The following GNL2 variants were observed in gnomAD, a reference collection of about 807,000 sequenced individuals.
GNL2 encodes the protein G protein nucleolar 2, also known as nucleolar GTP-binding protein 2.
A neutral mutation model predicts 92.3 loss-of-function variants in GNL2; 51 were observed. That is an observed-to-expected ratio of 0.55 (90% confidence interval 0.44 to 0.70). The LOEUF (loss-of-function observed/expected upper bound fraction) is 0.70, where lower values mean the gene tolerates loss of function less well. Ranked by LOEUF, GNL2 falls within the 30% of genes least tolerant of loss-of-function variation. The pLI is 0.00. For missense variants in GNL2, 844 were observed against 895.6 expected, an observed-to-expected ratio of 0.94 and a Z score of 0.74; for synonymous variants, 283 against 300.6, an observed-to-expected ratio of 0.94 and a Z score of 0.61.
chr1:37,587,131 G>C (rs1311978206), intron 5 of GNL2, among the ~76,000 whole-genome samples, 180 bp downstream of exon 5: 1 of 152,048 alleles, frequency 6.6e-6, no homozygotes, highest in Non-Finnish European at 1.5e-5. Flanking sequence ...GCCAGGCATG[G>C]AGGCATCCAC....
chr1:37,586,489 T>C lies in GNL2; in HGVS notation c.569+822A>G, dbSNP rs1223576523. The stretch of plus-strand genomic sequence containing the variant: ...TAGATACTTCCTCTCCTCCTCCTCC[T>C]CCCCAAAACAAAAACAAAAAACACA... On this transcript the variant is annotated intron_variant, in intron 5 of 15. Transcript: ENST00000373062. Among the ~76,000 whole-genome samples, 3 of 152,108 alleles carry C rather than the reference T, an allele frequency of 2.0e-5. No individual in the cohort carries two copies. In the East Asian group the frequency reaches 5.8e-4, roughly 29 times the overall value.
intron 4 of GNL2, among the ~76,000 whole-genome samples, chr1:37,587,821 T>C (rs1209621808): frequency 2.6e-5 from 4 of 152,244 alleles, no homozygotes; most frequent in African/African-American, 7.2e-5. Flanking sequence ...TTCAGTCAAA[T>C]GTAATTAAGG....
intron 8 of GNL2, among the ~76,000 whole-genome samples, chr1:37,578,819 C>T (rs937514177): frequency 6.6e-6 from 1 of 152,124 alleles, no homozygotes; most frequent in Non-Finnish European, 1.5e-5. Context: ...CTCATCCTCC[C>T]AAAGTGGTGG....
At chr1:37,571,260 A>C (rs1351504869) in intron 12 of GNL2, among the ~76,000 whole-genome samples, 5 of 152,222 alleles carry the variant, frequency 3.3e-5, no homozygotes, top group Non-Finnish European at 7.3e-5. Context: ...CTTGTTGCTA[A>C]AAGTTCCTGA....
At position 37,574,381 on chromosome 1, in the gene GNL2, CA is replaced by C. The variant is rs1179544320; in HGVS notation, c.1377del (p.Phe459LeufsTer153). The C allele has an allele frequency of 1.2e-6, 2 of 1,613,928 alleles. No homozygotes were observed. The highest frequency in any genetic ancestry group is 1.7e-6 in the Non-Finnish European group (2 of 1,179,964). On this transcript the variant is annotated frameshift_variant, in exon 12 of 16. Transcript: ENST00000373062. LOFTEE classifies it high-confidence loss of function. ...NDWQRGRIPFFVKPPNAEPLV... is the reference protein window; with the variant it reads ...NDWQRGRIPFXVKPPNAEPLV... ...AGTGGCTCTGCATTGGGTGGCTTGA[CA>C]AAGAAAGGAATCCGGCCCCTCTGCC... is the stretch of plus-strand genomic sequence containing the variant.
In GNL2 at chr1:37,566,880, C is replaced by A. The variant is rs199557756; in HGVS notation, c.2171G>T (p.Arg724Leu). The change falls in exon 16 of 16, where the codon CGC (arginine) becomes CTC (leucine). Residue 724 changes from arginine (R) to leucine (L), a missense_variant. Transcript: ENST00000373062. ...TTACTGCTTTTGTCTGAATTTTTTG[C>A]GTTTGTGTTTCTGTCCCTCTGAGTC... ...TNDSEGQKHK[R>L]KKFRQKQ 2.5e-6 allele frequency: 4 copies of A among 1,613,112 alleles called. No homozygotes were observed. Among genetic ancestry groups the A allele is most frequent in the Non-Finnish European group, 8.5e-7 (1 of 1,179,666 alleles).
At chr1:37,594,370 A>G (rs1643908512) in intron 1 of GNL2, among the ~76,000 whole-genome samples, 1 of 152,196 alleles carries the variant, frequency 6.6e-6, no homozygotes, top group South Asian at 2.1e-4. Flanking sequence ...CATGGAGACT[A>G]TAATTTTGAT....
chr1:37,581,823 C>T (rs959023853), intron 8 of GNL2, among the ~76,000 whole-genome samples: 9 of 152,070 alleles, frequency 5.9e-5, no homozygotes, highest in African/African-American at 2.2e-4. Context: ...TGCCACCATG[C>T]CTGGCCAATT....
chr1:37,593,534 C>G (rs1480284227), intron 2 of GNL2: 1 of 471,630 alleles, frequency 2.1e-6, no homozygotes, highest in African/African-American at 2.0e-5. Context: ...GAAACAAGAC[C>G]TCTACTTTTG....
rs149148888 is a variant in GNL2 at position 37,567,020 on chromosome 1, G to T, written c.2044-13C>A. On this transcript the variant is annotated splice_polypyrimidine_tract_variant and intron_variant, in intron 15 of 15. Coordinates refer to ENST00000373062, the MANE Select transcript of GNL2 (RefSeq NM_013285.3). ...CTGCTCGCCTCCGCTGTAAAAAATGGCAAGAAAAGATGAAGAAAAAAAACA... is the reference window on the plus strand; with the variant it reads ...CTGCTCGCCTCCGCTGTAAAAAATGTCAAGAAAAGATGAAGAAAAAAAACA... 2 of 1,601,914 alleles carry T rather than the reference G, an allele frequency of 1.2e-6. No individual in the cohort carries two copies. The highest frequency in any genetic ancestry group is 1.7e-6 in the Non-Finnish European group (2 of 1,175,846).
intron 12 of GNL2, chr1:37,571,004 A>G (rs1643586041): frequency 6.6e-6 from 1 of 152,248 alleles, no homozygotes; most frequent in Non-Finnish European, 1.5e-5. Flanking sequence ...CTAAATAAGT[A>G]CAGAACTATA....
At chr1:37,573,141 G>A (rs1179305993) in intron 12 of GNL2, among the ~76,000 whole-genome samples, 3 of 152,202 alleles carry the variant, frequency 2.0e-5, no homozygotes, top group African/African-American at 7.2e-5. Context: ...CACATGAAGA[G>A]GGAGAGAAAT....
At chr1:37,573,672 A>C (rs929576842) in intron 12 of GNL2, among the ~76,000 whole-genome samples, 1 of 152,282 alleles carries the variant, frequency 6.6e-6, no homozygotes, top group African/African-American at 2.4e-5. Flanking sequence ...CGTAAGCATA[A>C]GAAAAGATAC....
At chr1:37,594,287 G>C (rs1306237820) in intron 1 of GNL2, among the ~76,000 whole-genome samples, 1 of 152,162 alleles carries the variant, frequency 6.6e-6, no homozygotes. Context: ...ACCATCTATG[G>C]TCTTAACCAC....
In GNL2 at chr1:37,590,116, G is replaced by GT. The variant is rs1054186714; in HGVS notation, c.384+589dup. ...AGGAGGTCGGTTATCTATACTTTCTGTTTTTTTTAGACGGAGTTTCGCTCC... is the reference window on the plus strand; with the variant it reads ...AGGAGGTCGGTTATCTATACTTTCTGTTTTTTTTTAGACGGAGTTTCGCTCC... On this transcript the variant is annotated intron_variant, in intron 4 of 15. Coordinates refer to ENST00000373062, the MANE Select transcript of GNL2 (RefSeq NM_013285.3). 2.6e-4 allele frequency among the ~76,000 whole-genome samples: 39 copies of GT among 152,042 alleles called. 1 individual carries two copies. The highest frequency in any genetic ancestry group is 1.0e-3 in the South Asian group (5 of 4,812).
At chr1:37,578,523 T>C (rs1197578857) in intron 8 of GNL2, among the ~76,000 whole-genome samples, 1 of 151,042 alleles carries the variant, frequency 6.6e-6, no homozygotes, top group Non-Finnish European at 1.5e-5. Context: ...GGCCACTCCA[T>C]GGAGAAAAAA....
At chr1:37,580,290 C>A (rs1430376011) in intron 8 of GNL2, among the ~76,000 whole-genome samples, 1 of 152,054 alleles carries the variant, frequency 6.6e-6, no homozygotes, top group Non-Finnish European at 1.5e-5. Flanking sequence ...CAAAGCAAGA[C>A]CCTGTCTCAA....
chr1:37,581,641 GT>G (rs1304942381), intron 8 of GNL2: 1 of 388,382 alleles, frequency 2.6e-6, no homozygotes, highest in Non-Finnish European at 5.1e-6. Context: ...TGCTCTGTGA[GT>G]TTTTACATCT....
intron 5 of GNL2, among the ~76,000 whole-genome samples, chr1:37,586,292 T>C (rs903978956): frequency 2.8e-4 from 43 of 152,252 alleles, no homozygotes; most frequent in African/African-American, 9.9e-4. Flanking sequence ...TTTTATTTTT[T>C]GTAGAGACAA....
Sources: allele counts gnomAD v4.1 joint callset (sites outside exome capture counted in the v4.1 genomes callset), GRCh38; gene constraint gnomAD v4.1.1; transcripts MANE v1.5; gene names NCBI Gene and HGNC (gene_info 2026-07-23, HGNC 2026-07-21).